Variants in PARVB observed in about 807,000 individuals in gnomAD.
PARVB encodes the protein beta-parvin.
PARVB carries 46 observed loss-of-function variants against 47.0 expected under a neutral mutation model. That is an observed-to-expected ratio of 0.98 (90% CI 0.77 to 1.25). The LOEUF is 1.25. Ranked by LOEUF, PARVB falls within the 50% of genes most tolerant of loss-of-function variation. PARVB has a pLI of 0.00. For synonymous variants in PARVB, 196 were observed against 196.3 expected (o/e 1.00, Z 0.01); for missense variants, 473 against 471.6 (o/e 1.00, Z -0.03).
chr22:44,066,778 T>TTTCTTCTCCTCCTCCACC (rs202143083), intron 1 of PARVB, among the ~76,000 whole-genome samples: 1 of 118,722 alleles, frequency 8.4e-6, no homozygotes, highest in Non-Finnish European at 1.8e-5. Context: ...CCCTTAATTA[T>TTTCTTCTCCTCCTCCACC]TTCTCCTCCT....
intron 10 of PARVB, 69 bp from the exon 11 acceptor site, chr22:44,157,913 C>T: frequency 8.9e-7 from 1 of 1,120,364 alleles, no homozygotes; most frequent in African/African-American, 1.5e-5. Flanking sequence ...ATATGCCCCC[C>T]TTAAGTTTGT....
intron 4 of PARVB, among the ~76,000 whole-genome samples, chr22:44,122,308 T>C (rs532701613): frequency 6.6e-6 from 1 of 151,932 alleles, no homozygotes; most frequent in African/African-American, 2.4e-5. Flanking sequence ...CTGGGCAACA[T>C]AGTGGGACCT....
chr22:44,039,897 C>T lies in PARVB; in HGVS notation c.112+15446C>T, dbSNP rs755061627. The T allele has an allele frequency of 2.0e-5, 9 of 454,214 alleles. No individual in the cohort carries two copies. The East Asian group carries it at 5.6e-4, about 28-fold the overall frequency. 28.1% of individuals were successfully genotyped at this position (454,214 alleles called of 1,614,324 possible). A position where few individuals can be genotyped will look rare whatever the true frequency, so the allele number is the denominator to read the frequency against. On this transcript the variant is annotated intron_variant, in intron 1 of 12. Coordinates refer to ENST00000338758, the MANE Select transcript of PARVB (RefSeq NM_013327.5). Reference sequence around the variant, plus strand: ...TGGTGCAGTCATAGCTCACTGCAGCCTCGAACTCCTGGCCTCCAGTGATCC... The same window carrying T: ...TGGTGCAGTCATAGCTCACTGCAGCTTCGAACTCCTGGCCTCCAGTGATCC...
At chr22:44,006,868 C>T (rs1207177739) in intron 2 of PARVB, among the ~76,000 whole-genome samples, 1 of 152,182 alleles carries the variant, frequency 6.6e-6, no homozygotes, top group Non-Finnish European at 1.5e-5. Context: ...AGCTTTGTTA[C>T]CTAACATTTC....
At chr22:44,080,815 C>T (rs989472247) in intron 1 of PARVB, among the ~76,000 whole-genome samples, 28 of 152,242 alleles carry the variant, frequency 1.8e-4, no homozygotes, top group African/African-American at 6.3e-4. Context: ...TCACGGAGCA[C>T]CTGCCTCAGT....
At chr22:44,086,652 T>A (rs781159321) in intron 1 of PARVB, 12 of 627,368 alleles carry the variant, frequency 1.9e-5, no homozygotes, top group Non-Finnish European at 2.4e-5. Flanking sequence ...TTATTCTGAT[T>A]TAGATCTCAC....
intron 11 of PARVB, among the ~76,000 whole-genome samples, chr22:44,163,599 C>T (rs558665354): frequency 8.5e-5 from 13 of 152,322 alleles, no homozygotes; most frequent in Admixed American, 7.2e-4. Context: ...GAGAGCAGGC[C>T]GGGCACCTCA....
chr22:44,122,502 GAGAGAGAGAGAGAGAGAC>G lies in PARVB; in HGVS notation c.376+3370_376+3387del, dbSNP rs1569134125. Among the ~76,000 whole-genome samples the G allele has an allele frequency of 1.5e-3, 132 of 90,660 alleles. 3 individuals carry two copies. The highest frequency in any genetic ancestry group is 0.013 in the Middle Eastern group (2 of 156). 59.5% of individuals were successfully genotyped at this position (90,660 alleles called of 152,430 possible). ...CCCTGTCGATCAAGAGAGAGAGAGA[GAGAGAGAGAGAGAGAGAC>G]AGAGAGACAGAGAGAGAGAGAGAGA... On this transcript the variant is annotated intron_variant, in intron 4 of 12. Transcript: ENST00000338758.
intron 3 of PARVB, chr22:44,110,082 C>T (rs2052658691): frequency 7.3e-6 from 1 of 136,562 alleles, no homozygotes; most frequent in Middle Eastern, 4.0e-3. Context: ...CACTGCACTC[C>T]AGCCTGGGCG....
At chr22:44,107,417 T>A (rs1418590083) in intron 3 of PARVB, 1 of 152,248 alleles carries the variant, frequency 6.6e-6, no homozygotes, top group African/African-American at 2.4e-5. Flanking sequence ...AGGAGAAACC[T>A]AGACCTGGCC....
rs774425510 is a variant in PARVB, at chr22:44,131,495, G to T, written c.385G>T (p.Ala129Ser). 1 of 1,613,572 alleles carries T rather than the reference G, an allele frequency of 6.2e-7. No homozygotes were observed. The highest frequency in any genetic ancestry group is 1.1e-5 in the South Asian group (1 of 90,978). ...TGTGCTTCTCATTGCAGAAAAACTGGCAGGGTGCAAGCTGAATGTGGCTGA... is the reference window on the plus strand; with the variant it reads ...TGTGCTTCTCATTGCAGAAAAACTGTCAGGGTGCAAGCTGAATGTGGCTGA... ...QVLQKLLEKLAGCKLNVAEVT... is the reference protein window; with the variant it reads ...QVLQKLLEKLSGCKLNVAEVT... Residue 129 changes from alanine (A) to serine (S), a missense_variant, in exon 5 of 13, where the codon GCA becomes TCA. Coordinates refer to ENST00000338758, the MANE Select transcript of PARVB (RefSeq NM_013327.5).
At chr22:44,161,229 T>C (rs555694955) in intron 11 of PARVB, among the ~76,000 whole-genome samples, 1 of 151,774 alleles carries the variant, frequency 6.6e-6, no homozygotes, top group Non-Finnish European at 1.5e-5. Flanking sequence ...GGTGGGAGGC[T>C]CTTGGAGGAG....
intron 1 of PARVB, among the ~76,000 whole-genome samples, chr22:44,084,279 T>G (rs2051973793): frequency 1.3e-5 from 2 of 152,212 alleles, no homozygotes; most frequent in African/African-American, 4.8e-5. Context: ...CTGGGATGCC[T>G]GCTCCACCCC....
At chr22:44,051,379 A>G (rs1327039474) in intron 1 of PARVB, among the ~76,000 whole-genome samples, 1 of 152,054 alleles carries the variant, frequency 6.6e-6, no homozygotes, top group Non-Finnish European at 1.5e-5. Flanking sequence ...GCCATTGTAG[A>G]TAGCCTGTGA....
chr22:44,100,952 G>A (rs896087340), intron 3 of PARVB, among the ~76,000 whole-genome samples: 2 of 152,302 alleles, frequency 1.3e-5, no homozygotes, highest in East Asian at 1.9e-4. Context: ...AATGCCGATG[G>A]TGACAGTGTC....
chr22:44,109,612 C>T (rs1308471471), intron 3 of PARVB: 2 of 152,214 alleles, frequency 1.3e-5, no homozygotes, highest in African/African-American at 2.4e-5. Flanking sequence ...GGAACTGGGC[C>T]GTGAACAGCT....
intron 1 of PARVB, among the ~76,000 whole-genome samples, chr22:44,045,979 T>C (rs1024594460): frequency 6.6e-6 from 1 of 152,230 alleles, no homozygotes; most frequent in Admixed American, 6.5e-5. Flanking sequence ...TTGGGAGGAA[T>C]TGTACTGAAT....
chr22:44,085,789 C>G (rs550857196), intron 1 of PARVB, among the ~76,000 whole-genome samples: 1 of 152,288 alleles, frequency 6.6e-6, no homozygotes, highest in East Asian at 1.9e-4. Flanking sequence ...CAGGGCCTGC[C>G]CAGCCCCATG....
At chr22:44,012,395 C>CAG (rs2050532226) in intron 2 of PARVB, among the ~76,000 whole-genome samples, 1 of 152,182 alleles carries the variant, frequency 6.6e-6, no homozygotes. Context: ...GTGGCATGGG[C>CAG]AGAAGTGTTT....
Sources: allele counts gnomAD v4.1 joint callset (sites outside exome capture counted in the v4.1 genomes callset), GRCh38; gene constraint gnomAD v4.1.1; transcripts MANE v1.5; gene names NCBI Gene and HGNC (gene_info 2026-07-23, HGNC 2026-07-21).